Variants in GALNTL6 observed in about 807,000 individuals in gnomAD.
The protein encoded by GALNTL6 is polypeptide N-acetylgalactosaminyltransferase-like 6.
A neutral mutation model predicts 73.7 loss-of-function variants in GALNTL6; 46 were observed. The observed-to-expected ratio is 0.62, with a 90% confidence interval of 0.49 to 0.80. GALNTL6 has a LOEUF of 0.80. Ranked by LOEUF, GALNTL6 falls within the 30% of genes least tolerant of loss-of-function variation. The pLI is 0.00. For missense variants in GALNTL6, 604 were observed against 755.0 expected (o/e 0.80, Z 2.34); for synonymous variants, 259 against 263.7 (o/e 0.98, Z 0.17).
At chr4:172,223,069 A>G (rs1736739575) in intron 2 of GALNTL6, among the ~76,000 whole-genome samples, 1 of 152,076 alleles carries the variant, frequency 6.6e-6, no homozygotes, top group Non-Finnish European at 1.5e-5. Flanking sequence ...TACAAGAACT[A>G]CACTGCTTAG....
At position 171,903,476 on chromosome 4, in the gene GALNTL6, G is replaced by A. The variant is rs111359781; in HGVS notation, c.138+88758G>A. ...CACACCAGGAGATTAAATCCCTCAC[G>A]TGGCTCGGAGGGTCCCACGCCCACG... On this transcript the variant is annotated intron_variant, in intron 2 of 12. Transcript: ENST00000506823. 2.4e-3 allele frequency among the ~76,000 whole-genome samples: 370 copies of A among 152,150 alleles called. 2 individuals are homozygous for A. Among genetic ancestry groups the A allele is most frequent in the African/African-American group, 8.4e-3 (347 of 41,454 alleles).
chr4:172,161,193 A>G (rs1734453961), intron 2 of GALNTL6, among the ~76,000 whole-genome samples: 2 of 152,020 alleles, frequency 1.3e-5, no homozygotes, highest in African/African-American at 4.8e-5. Context: ...AACATAGAGC[A>G]GTGGTCTCTT....
At chr4:172,641,653 C>A (rs1480172986) in intron 5 of GALNTL6, among the ~76,000 whole-genome samples, 2 of 152,080 alleles carry the variant, frequency 1.3e-5, no homozygotes, top group Non-Finnish European at 2.9e-5. Flanking sequence ...CCCACCCTAT[C>A]CCACCACCCT....
chr4:172,172,003 C>A (rs1045438670), intron 2 of GALNTL6, among the ~76,000 whole-genome samples: 2 of 152,114 alleles, frequency 1.3e-5, no homozygotes, highest in Non-Finnish European at 2.9e-5. Context: ...GCCAGTATGT[C>A]TGTAGGTCTA....
chr4:172,378,329 G>C (rs1743128514), intron 5 of GALNTL6, among the ~76,000 whole-genome samples: 1 of 152,150 alleles, frequency 6.6e-6, no homozygotes, highest in Admixed American at 6.5e-5. Flanking sequence ...CCTTGCTTCA[G>C]CCTCTATTTC....
At chr4:172,825,812 G>C (rs1193512363) in intron 7 of GALNTL6, among the ~76,000 whole-genome samples, 1 of 152,204 alleles carries the variant, frequency 6.6e-6, no homozygotes, top group Non-Finnish European at 1.5e-5. Context: ...ACAGAAGCTA[G>C]TGTGGGATCA....
At chr4:171,821,896 G>T (rs1176702801) in intron 2 of GALNTL6, among the ~76,000 whole-genome samples, 1 of 151,712 alleles carries the variant, frequency 6.6e-6, no homozygotes, top group African/African-American at 2.4e-5. Flanking sequence ...CATACTTAAG[G>T]ATAAGTTGAT....
Position 172,803,596 on chromosome 4 carries a change from G to A in GALNTL6, c.554-5765G>A, listed in dbSNP as rs146469889. ...AGGTGGTGATGTGTCTTCCTATCAG[G>A]AAACACATAATAAGTGATCATCACT... On this transcript the variant is annotated intron_variant, in intron 5 of 12. Coordinates refer to ENST00000506823, the MANE Select transcript of GALNTL6 (RefSeq NM_001034845.3). 8.3e-4 allele frequency among the ~76,000 whole-genome samples: 126 copies of A among 152,216 alleles called. No homozygotes were observed. In the South Asian group the frequency reaches 0.017, roughly 21 times the overall value.
At chr4:172,722,644 A>G (rs1042327426) in intron 5 of GALNTL6, among the ~76,000 whole-genome samples, 7 of 152,236 alleles carry the variant, frequency 4.6e-5, no homozygotes, top group African/African-American at 1.4e-4. Flanking sequence ...AATGAAAAAA[A>G]TAATTTTACC....
rs184512386 is a variant in GALNTL6, at chr4:172,867,884, T to G, written c.924-14906T>G. Among the ~76,000 whole-genome samples, 365 of 152,270 alleles carry G rather than the reference T, an allele frequency of 2.4e-3. 2 individuals are homozygous for G. Among genetic ancestry groups the G allele is most frequent in the African/African-American group, 8.6e-3 (356 of 41,536 alleles). On this transcript the variant is annotated intron_variant, in intron 7 of 12. Coordinates refer to ENST00000506823, the MANE Select transcript of GALNTL6 (RefSeq NM_001034845.3). ...CCATCCAATTGGAGTGGCAGCAGAA[T>G]AAGAACACCTGAAACACACAGTTAA...
intron 5 of GALNTL6, chr4:172,380,164 G>A (rs1475840887): frequency 9.6e-6 from 10 of 1,039,906 alleles, no homozygotes; most frequent in South Asian, 8.8e-5. Flanking sequence ...ACAAGGCCTG[G>A]ATCCGTAGCA....
chr4:172,115,614 C>A (rs1036404149), intron 2 of GALNTL6, among the ~76,000 whole-genome samples: 2 of 151,956 alleles, frequency 1.3e-5, no homozygotes, highest in African/African-American at 4.8e-5. Context: ...TTTCATAACT[C>A]CAAAATAGAC....
intron 5 of GALNTL6, among the ~76,000 whole-genome samples, chr4:172,791,062 G>A (rs771134686): frequency 1.3e-5 from 2 of 152,174 alleles, no homozygotes; most frequent in African/African-American, 2.4e-5. Flanking sequence ...GCTGGATAGA[G>A]ATGGAACAGA....
At chr4:172,305,553 C>T (rs977530622) in intron 3 of GALNTL6, among the ~76,000 whole-genome samples, 3 of 151,928 alleles carry the variant, frequency 2.0e-5, no homozygotes, top group Non-Finnish European at 4.4e-5. Context: ...ACTGTTAAAT[C>T]CTCTGAGTAT....
chr4:172,268,665 G>T (rs551528830), intron 3 of GALNTL6, among the ~76,000 whole-genome samples: 27 of 152,150 alleles, frequency 1.8e-4, no homozygotes, highest in Non-Finnish European at 3.1e-4. Flanking sequence ...CTAACACCCA[G>T]TGTGAAGTCT....
chr4:172,914,338 A>G (rs1561030358), intron 8 of GALNTL6, among the ~76,000 whole-genome samples: 1 of 152,226 alleles, frequency 6.6e-6, no homozygotes, highest in Non-Finnish European at 1.5e-5. Flanking sequence ...AAATTGCGTC[A>G]ACTAATGAGC....
chr4:172,026,822 T>C (rs963838194), intron 2 of GALNTL6, among the ~76,000 whole-genome samples: 1 of 152,178 alleles, frequency 6.6e-6, no homozygotes, highest in East Asian at 1.9e-4. Flanking sequence ...ATATAAAACA[T>C]AATTGGTAAA....
intron 2 of GALNTL6, among the ~76,000 whole-genome samples, chr4:171,834,263 C>T (rs1333249691): frequency 6.6e-6 from 1 of 151,906 alleles, no homozygotes; most frequent in Admixed American, 6.6e-5. Flanking sequence ...AATAATCTTG[C>T]CTAAGTTTCT....
intron 3 of GALNTL6, among the ~76,000 whole-genome samples, chr4:172,290,941 A>T (rs1166753213): frequency 6.6e-6 from 1 of 151,914 alleles, no homozygotes; most frequent in Non-Finnish European, 1.5e-5. Context: ...GAAGAAAGAG[A>T]AGGAGAAAAA....
Sources: allele counts gnomAD v4.1 joint callset (sites outside exome capture counted in the v4.1 genomes callset), GRCh38; gene constraint gnomAD v4.1.1; transcripts MANE v1.5; gene names NCBI Gene and HGNC (gene_info 2026-07-23, HGNC 2026-07-21).